Variants in OTOGL observed in about 807,000 individuals in gnomAD.
OTOGL encodes otogelin-like protein.
OTOGL carries 285 observed loss-of-function variants against 318.5 expected under a neutral mutation model. The ratio of observed to expected loss-of-function variants is 0.89; its 90% CI spans 0.81 to 0.99. OTOGL has a LOEUF of 0.99. Among genes scored for constraint, OTOGL ranks in the 50% least tolerant of loss-of-function variants. OTOGL has a pLI of 0.00. For missense variants in OTOGL, 2,899 were observed against 2,845.6 expected (o/e 1.02, Z -0.43); for synonymous variants, 987 against 936.5 (o/e 1.05, Z -0.99).
chr12:80,315,548 G>T (rs1259984289), intron 32 of OTOGL, among the ~76,000 whole-genome samples: 2 of 152,172 alleles, frequency 1.3e-5, no homozygotes, highest in African/African-American at 4.8e-5. Context: ...ATCTAGGGAA[G>T]TATCCATTTT....
At chr12:80,277,778 A>G (rs1051836334) in intron 24 of OTOGL, among the ~76,000 whole-genome samples, 2 of 151,536 alleles carry the variant, frequency 1.3e-5, no homozygotes, top group Non-Finnish European at 3.0e-5. Context: ...ATAATTTACT[A>G]TTTCATCAGA....
chr12:80,192,462 C>A (rs1353275735), intron 1 of OTOGL, among the ~76,000 whole-genome samples: 1 of 152,326 alleles, frequency 6.6e-6, no homozygotes, highest in Non-Finnish European at 1.5e-5. Context: ...CTGACTTTCT[C>A]ACAGAAGTTT....
At chr12:80,282,775 C>A (rs181650314) in intron 26 of OTOGL, among the ~76,000 whole-genome samples, 56 of 152,024 alleles carry the variant, frequency 3.7e-4, no homozygotes, top group African/African-American at 9.9e-4. Flanking sequence ...ATAAAATCCT[C>A]ACTTTCCTTG....
chr12:80,202,975 A>T (rs190675169), intron 1 of OTOGL, among the ~76,000 whole-genome samples: 2 of 152,276 alleles, frequency 1.3e-5, no homozygotes, highest in Non-Finnish European at 2.9e-5. Flanking sequence ...TCAACACATG[A>T]CCTTTATCCC....
At chr12:80,185,663 CTTGTT>C (rs1168558500) in intron 1 of OTOGL, among the ~76,000 whole-genome samples, 2 of 152,290 alleles carry the variant, frequency 1.3e-5, no homozygotes, top group Non-Finnish European at 2.9e-5. Context: ...GCTTCATAAT[CTTGTT>C]TTGTTAATCA....
At chr12:80,231,723 C>T (rs1879375689) in intron 8 of OTOGL, among the ~76,000 whole-genome samples, 1 of 152,058 alleles carries the variant, frequency 6.6e-6, no homozygotes, top group Non-Finnish European at 1.5e-5. Flanking sequence ...CAACCTCTGC[C>T]TCCCAGGTTC....
chr12:80,289,580 A>C (rs1172447585), intron 26 of OTOGL, among the ~76,000 whole-genome samples: 1 of 152,186 alleles, frequency 6.6e-6, no homozygotes, highest in African/African-American at 2.4e-5. Flanking sequence ...CATTTCTTTC[A>C]GAGATGTCCT....
intron 19 of OTOGL, among the ~76,000 whole-genome samples, chr12:80,263,773 T>A (rs995479824): frequency 2.6e-5 from 4 of 152,050 alleles, no homozygotes; most frequent in Non-Finnish European, 5.9e-5. Context: ...ATAACTCTGA[T>A]CTAGATTCTA....
chr12:80,170,087 T>C (rs2137214013), intron 1 of OTOGL, among the ~76,000 whole-genome samples: 1 of 152,220 alleles, frequency 6.6e-6, no homozygotes, highest in Non-Finnish European at 1.5e-5. Context: ...TGTCAAACAA[T>C]TTTCCAGAGT....
intron 1 of OTOGL, among the ~76,000 whole-genome samples, chr12:80,207,677 T>C (rs780590727): frequency 5.9e-5 from 9 of 152,204 alleles, no homozygotes; most frequent in African/African-American, 1.2e-4. Flanking sequence ...TAATGCATAT[T>C]GGTTATATAC....
At chr12:80,164,949 G>T (rs934681564) in intron 1 of OTOGL, among the ~76,000 whole-genome samples, 1 of 152,038 alleles carries the variant, frequency 6.6e-6, no homozygotes, top group African/African-American at 2.4e-5. Context: ...GAAATTTCTT[G>T]GTATGAAGAG....
intron 58 of OTOGL, among the ~76,000 whole-genome samples, chr12:80,377,623 A>G (rs1376860626): frequency 6.6e-6 from 1 of 152,132 alleles, no homozygotes; most frequent in Non-Finnish European, 1.5e-5. Context: ...TTATGTGTGC[A>G]CATTTAATGC....
intron 4 of OTOGL, among the ~76,000 whole-genome samples, chr12:80,217,035 G>A (rs1877795240): frequency 6.6e-6 from 1 of 152,194 alleles, no homozygotes; most frequent in South Asian, 2.1e-4. Context: ...GCCTGAAGGT[G>A]ACACACTGGC....
intron 29 of OTOGL, among the ~76,000 whole-genome samples, chr12:80,308,366 A>T (rs980748054): frequency 4.0e-5 from 6 of 150,996 alleles, no homozygotes; most frequent in African/African-American, 1.5e-4. Flanking sequence ...CACATCCCGG[A>T]CGGGGCGGCA....
Position 80,295,157 on chromosome 12 carries a change from CTTTTTTTTTT to C in OTOGL, c.2929-1650_2929-1641del, listed in dbSNP as rs66786755. Among the ~76,000 whole-genome samples the C allele has an allele frequency of 1.3e-3, 126 of 98,918 alleles. 3 individuals are homozygous for C. In the South Asian group the frequency reaches 0.026, roughly 20 times the overall value. 64.9% of individuals were successfully genotyped at this position (98,918 alleles called of 152,430 possible). On this transcript the variant is annotated intron_variant, in intron 26 of 58. Transcript: ENST00000547103. ...AAACACAAACTGTATGATTGCCGAA[CTTTTTTTTTT>C]TTTTTTTTTTTTTTTTTTTAAGACA...
At position 80,355,834 on chromosome 12, in the gene OTOGL, A is replaced by G. The variant is rs375312888; in HGVS notation, c.5692A>G (p.Ile1898Val). 164 of 1,613,832 alleles carry G rather than the reference A, an allele frequency of 1.0e-4. No homozygotes were observed. Among genetic ancestry groups the G allele is most frequent in the Non-Finnish European group, 1.4e-4 (162 of 1,179,872 alleles). The change falls in exon 47 of 59, where the codon ATT becomes GTT. Residue 1898 changes from isoleucine to valine, a missense_variant. Coordinates refer to ENST00000547103, the MANE Select transcript of OTOGL (RefSeq NM_001378609.3). The part of the protein sequence containing the change: ...TLYKCLENGS[I>V]IPIEPDCDEE... ...ATACAAATGTTTGGAGAATGGAAGC[A>G]TTATCCCTATAGAACCTGACTGTGA... is the stretch of plus-strand genomic sequence containing the variant.
chr12:80,328,840 C>T (rs1304683141), intron 36 of OTOGL, 96 bp downstream of exon 36: 3 of 1,183,710 alleles, frequency 2.5e-6, no homozygotes, highest in Non-Finnish European at 3.6e-6. Context: ...TTTAAACAGA[C>T]AATCAACTCT....
intron 3 of OTOGL, 81 bp from the exon 4 acceptor site, chr12:80,211,868 A>T (rs1877280777): frequency 1.8e-6 from 2 of 1,142,556 alleles, no homozygotes; most frequent in African/African-American, 1.6e-5. Context: ...CAGGAGGAAA[A>T]CACCAGCTCT....
intron 29 of OTOGL, among the ~76,000 whole-genome samples, chr12:80,307,116 G>A (rs1383389160): frequency 6.6e-6 from 1 of 150,534 alleles, no homozygotes; most frequent in Non-Finnish European, 1.5e-5. Flanking sequence ...GAGAGCACAG[G>A]GTTGGGGGTA....
Sources: allele counts gnomAD v4.1 joint callset (sites outside exome capture counted in the v4.1 genomes callset), GRCh38; gene constraint gnomAD v4.1.1; transcripts MANE v1.5; gene names NCBI Gene and HGNC (gene_info 2026-07-23, HGNC 2026-07-21).